Variants in ZFAND3 observed in about 807,000 individuals in gnomAD.
ZFAND3 encodes AN1-type zinc finger protein 3.
A neutral mutation model predicts 29.6 loss-of-function variants in ZFAND3; 10 were observed. The observed-to-expected ratio is 0.34, with a 90% confidence interval of 0.21 to 0.57. The LOEUF is 0.57. Among genes scored for constraint, ZFAND3 ranks in the 20% least tolerant of loss-of-function variants. The pLI, the probability that ZFAND3 is intolerant of heterozygous loss-of-function variation, is 0.86. For missense variants in ZFAND3, 230 were observed against 304.5 expected, an observed-to-expected ratio of 0.76 and a Z score of 1.82; for synonymous variants, 128 against 112.6, an observed-to-expected ratio of 1.14 and a Z score of -0.87.
At chr6:38,029,417 G>A (rs1763507379) in intron 2 of ZFAND3, among the ~76,000 whole-genome samples, 1 of 152,186 alleles carries the variant, frequency 6.6e-6, no homozygotes, top group Non-Finnish European at 1.5e-5. Flanking sequence ...ATACCAGCAA[G>A]CAAAGCATTT....
At chr6:38,024,716 C>T (rs1340303600) in intron 2 of ZFAND3, among the ~76,000 whole-genome samples, 1 of 152,124 alleles carries the variant, frequency 6.6e-6, no homozygotes, top group Non-Finnish European at 1.5e-5. Flanking sequence ...CAAGAGGTCA[C>T]ATATTATATG....
rs548142866 is a variant in ZFAND3, at chr6:38,154,419, G to A, written c.*2030G>A. 12 of 985,760 alleles carry A rather than the reference G, an allele frequency of 1.2e-5. No homozygotes were observed. The East Asian group carries it at 1.2e-3, about 102-fold the overall frequency. 61.1% of individuals were successfully genotyped at this position (985,760 alleles called of 1,614,324 possible). On this transcript the variant is annotated 3_prime_UTR_variant, in exon 6 of 6. Coordinates refer to ENST00000287218, the MANE Select transcript of ZFAND3 (RefSeq NM_021943.3). ...CTTGTTCCCCTGCAGTATCTGTTCT[G>A]TGAAGTTTGTTAAATGTAAGGAAAG...
chr6:38,041,641 T>C (rs1439008920), intron 2 of ZFAND3, among the ~76,000 whole-genome samples: 9 of 14,578 alleles, frequency 6.2e-4, no homozygotes, highest in Admixed American at 8.9e-4. Flanking sequence ...TTTCTTCTTC[T>C]TCTTCTTCTT....
intron 2 of ZFAND3, among the ~76,000 whole-genome samples, chr6:37,983,955 A>G (rs1003065897): frequency 1.3e-5 from 2 of 152,210 alleles, no homozygotes; most frequent in African/African-American, 4.8e-5. Context: ...TGGGCAGTGC[A>G]ATGAAAAAAG....
At chr6:38,114,941 A>G (rs189997116) in intron 4 of ZFAND3, among the ~76,000 whole-genome samples, 1 of 152,372 alleles carries the variant, frequency 6.6e-6, no homozygotes, top group Admixed American at 6.5e-5. Flanking sequence ...AATGTTAAAG[A>G]TAAGTGCTGT....
chr6:37,949,093 A>G (rs1761951489), intron 2 of ZFAND3, among the ~76,000 whole-genome samples: 1 of 152,138 alleles, frequency 6.6e-6, no homozygotes, highest in African/African-American at 2.4e-5. Flanking sequence ...GTGTATAAGC[A>G]TTCTCTTTTC....
At chr6:38,054,255 G>T (rs1443253565) in intron 2 of ZFAND3, among the ~76,000 whole-genome samples, 3 of 150,706 alleles carry the variant, frequency 2.0e-5, no homozygotes, top group Non-Finnish European at 4.4e-5. Context: ...GTAGCTCGGT[G>T]TGGTGGTGTG....
intron 5 of ZFAND3, among the ~76,000 whole-genome samples, chr6:38,142,558 A>G (rs952759391): frequency 1.3e-5 from 2 of 152,346 alleles, no homozygotes; most frequent in Admixed American, 1.3e-4. Context: ...TGAGAAGATA[A>G]TCTTTTAAAG....
At chr6:38,022,605 A>T (rs1763372564) in intron 2 of ZFAND3, among the ~76,000 whole-genome samples, 1 of 152,174 alleles carries the variant, frequency 6.6e-6, no homozygotes, top group South Asian at 2.1e-4. Flanking sequence ...CCATTTTTCA[A>T]ATGAGGAAAT....
Position 38,041,662 on chromosome 6 carries a change from T to C in ZFAND3, c.113-19931T>C, listed in dbSNP as rs1411526063. ...CTTCTTCTTCTTCTTCTTCTTCTTC[T>C]TCTTCTTCTTCTTCTTCTTCTTCTC... is the stretch of plus-strand genomic sequence containing the variant. On this transcript the variant is annotated intron_variant, in intron 2 of 5. Transcript: ENST00000287218. 2.7e-3 allele frequency among the ~76,000 whole-genome samples: 63 copies of C among 23,108 alleles called. 1 individual carries two copies. Among genetic ancestry groups the C allele is most frequent in the South Asian group, 7.9e-3 (2 of 254 alleles). 15.2% of individuals were successfully genotyped at this position (23,108 alleles called of 152,430 possible). A position where few individuals can be genotyped will look rare whatever the true frequency, so the allele number is the denominator to read the frequency against.
At chr6:37,983,431 A>G (rs1018624643) in intron 2 of ZFAND3, among the ~76,000 whole-genome samples, 1 of 127,064 alleles carries the variant, frequency 7.9e-6, no homozygotes, top group Non-Finnish European at 1.5e-5. Context: ...ACCTCAGCTC[A>G]CTGCAACCAC....
chr6:38,040,597 A>T (rs535436415), intron 2 of ZFAND3, among the ~76,000 whole-genome samples: 36 of 152,354 alleles, frequency 2.4e-4, no homozygotes, highest in African/African-American at 8.4e-4. Context: ...TTTCAAACAT[A>T]TACAGAAAAG....
At chr6:37,995,666 C>T (rs1279966973) in intron 2 of ZFAND3, among the ~76,000 whole-genome samples, 1 of 152,140 alleles carries the variant, frequency 6.6e-6, no homozygotes, top group Non-Finnish European at 1.5e-5. Flanking sequence ...AAAGCAGGAC[C>T]TCTTCCTTAA....
chr6:38,049,212 A>G (rs1341998487), intron 2 of ZFAND3, among the ~76,000 whole-genome samples: 1 of 152,218 alleles, frequency 6.6e-6, no homozygotes, highest in Non-Finnish European at 1.5e-5. Flanking sequence ...AGACTTCGCT[A>G]TAATTCATAC....
At chr6:37,908,991 CTCCT>C (rs1765468755) in intron 1 of ZFAND3, among the ~76,000 whole-genome samples, 1 of 152,104 alleles carries the variant, frequency 6.6e-6, no homozygotes, top group South Asian at 2.1e-4. Context: ...TTGACATTGT[CTCCT>C]TAGGTTTCTG....
chr6:37,988,537 TA>T (rs1205676701), intron 2 of ZFAND3, among the ~76,000 whole-genome samples: 1 of 152,230 alleles, frequency 6.6e-6, no homozygotes, highest in African/African-American at 2.4e-5. Context: ...TTTCTCTCAG[TA>T]AAGCTTCTGT....
intron 1 of ZFAND3, among the ~76,000 whole-genome samples, chr6:37,844,430 C>G (rs1047751991): frequency 1.3e-5 from 2 of 151,880 alleles, no homozygotes; most frequent in Admixed American, 6.6e-5. Flanking sequence ...TACAGGCGCC[C>G]GCCACCACAC....
intron 2 of ZFAND3, among the ~76,000 whole-genome samples, chr6:37,936,101 C>T (rs2645095): frequency 0.98 from 148,614 of 152,258 alleles, 72,651 homozygotes; most frequent in East Asian, 1. Context: ...TTCTAGCATA[C>T]TGAAGGCCAG....
At chr6:38,082,108 T>C (rs918877587) in intron 3 of ZFAND3, among the ~76,000 whole-genome samples, 1 of 152,010 alleles carries the variant, frequency 6.6e-6, no homozygotes, top group African/African-American at 2.4e-5. Context: ...AAATTTTTAT[T>C]CTTTAACTTG....
Sources: gnomAD v4.1 joint callset for allele counts (sites outside exome capture counted in the v4.1 genomes callset) on GRCh38, gnomAD v4.1.1 for gene constraint, MANE v1.5 for transcripts, NCBI Gene and HGNC (gene_info 2026-07-23, HGNC 2026-07-21) for gene names.